DDI2: variants seen among roughly 807,000 people sequenced by gnomAD.
DDI2 encodes the protein protein DDI1 homolog 2.
Under a neutral mutation model 48.1 loss-of-function variants are expected in DDI2, and 5 were observed. The ratio of observed to expected loss-of-function variants is 0.10; its 90% confidence interval spans 0.05 to 0.22. The LOEUF (loss-of-function observed/expected upper bound fraction) is 0.22. Ranked by LOEUF, DDI2 falls within the 10% of genes least tolerant of loss-of-function variation. The pLI is 1.00. For synonymous variants in DDI2, 205 were observed against 183.6 expected, an observed-to-expected ratio of 1.12 and a Z score of -0.94; for missense variants, 285 against 506.2, an observed-to-expected ratio of 0.56 and a Z score of 4.19.
intron 4 of DDI2, among the ~76,000 whole-genome samples, chr1:15,636,550 G>A (rs559148989): frequency 6.6e-6 from 1 of 151,594 alleles, no homozygotes; most frequent in South Asian, 2.1e-4. Flanking sequence ...CTAGCTCACT[G>A]CAGCCTCAGC....
At chr1:15,621,218 A>C (rs1639659009) in intron 1 of DDI2, among the ~76,000 whole-genome samples, 1 of 152,164 alleles carries the variant, frequency 6.6e-6, no homozygotes, top group Admixed American at 6.5e-5. Context: ...GCTTCACTTT[A>C]AATTAATGTC....
In DDI2 at chr1:15,649,875, C is replaced by A; in HGVS notation, c.993+52C>A. On this transcript the variant is annotated intron_variant, in intron 7 of 9. Coordinates refer to ENST00000480945, the MANE Select transcript of DDI2 (RefSeq NM_032341.5). ...TTGCATCTGCTTTTTGTAATATGGTCATTATCACATTATTTTTATTGGTTA... is the reference window on the plus strand; with the variant it reads ...TTGCATCTGCTTTTTGTAATATGGTAATTATCACATTATTTTTATTGGTTA... The A allele has an allele frequency of 4.0e-6, 6 of 1,509,604 alleles. No individual in the cohort carries two copies. The South Asian group carries it at 6.1e-5, about 15-fold the overall frequency. The allele number at this position is 1,509,604 out of a possible 1,614,324, so 93.5% of individuals were successfully genotyped here.
chr1:15,659,787 A>G lies in DDI2; in HGVS notation c.*47-50A>G, dbSNP rs577315479. On this transcript the variant is annotated intron_variant, in intron 9 of 9. Coordinates refer to ENST00000480945, the MANE Select transcript of DDI2 (RefSeq NM_032341.5). ...TTGTATCCTCTGGTAATTTAGTGGC[A>G]TTAGTCACCTGCTAATTAATCTTTT... The G allele has an allele frequency of 5.2e-5, 77 of 1,474,444 alleles. No homozygotes were observed. In the African/African-American group the frequency reaches 7.1e-4, roughly 14 times the overall value. The allele number at this position is 1,474,444 out of a possible 1,614,324, so 91.3% of individuals were successfully genotyped here. A position where few individuals can be genotyped will look rare whatever the true frequency, so the allele number is the denominator to read the frequency against.
At chr1:15,658,927 A>G (rs1640316118) in intron 9 of DDI2, among the ~76,000 whole-genome samples, 1 of 152,194 alleles carries the variant, frequency 6.6e-6, no homozygotes, top group African/African-American at 2.4e-5. Flanking sequence ...GCCAGTTGAA[A>G]AACTATTAAT....
chr1:15,630,546 C>T lies in DDI2; in HGVS notation c.490C>T (p.Leu164Phe), dbSNP rs1198808826. 1 of 1,612,634 alleles carries T rather than the reference C, an allele frequency of 6.2e-7. No homozygotes were observed. Among genetic ancestry groups the T allele is most frequent in the Admixed American group, 1.7e-5 (1 of 60,028 alleles). The change falls in exon 3 of 10, where the codon CTC (leucine) becomes TTC (phenylalanine). Residue 164 changes from leucine to phenylalanine, a missense_variant. Leu to Phe is a conservative substitution (Grantham distance 22). Transcript: ENST00000480945. ...ERNPPLAEAL[L>F]SGDLEKFSRV... ...CAATCCACCCCTGGCAGAAGCTCTGCTCAGTGGAGACCTTGGTAAGCTTAT... is the reference window on the plus strand; with the variant it reads ...CAATCCACCCCTGGCAGAAGCTCTGTTCAGTGGAGACCTTGGTAAGCTTAT...
intron 4 of DDI2, chr1:15,634,172 C>T (rs1427429005): frequency 5.9e-6 from 1 of 169,130 alleles, no homozygotes; most frequent in Non-Finnish European, 1.3e-5. Context: ...AATGCAGATG[C>T]TTGGACTCTT....
chr1:15,635,740 C>T (rs1570974894), intron 4 of DDI2, among the ~76,000 whole-genome samples: 1 of 152,278 alleles, frequency 6.6e-6, no homozygotes, highest in Non-Finnish European at 1.5e-5. Flanking sequence ...CCTTGTACCT[C>T]TGAAGAGACT....
At chr1:15,658,579 G>A (rs989862551) in intron 9 of DDI2, among the ~76,000 whole-genome samples, 20 of 151,422 alleles carry the variant, frequency 1.3e-4, no homozygotes, top group African/African-American at 4.6e-4. Context: ...CCTGACCAAC[G>A]TGGAGAAACC....
rs185804055 is a variant in DDI2 at position 15,643,730 on chromosome 1, G to T, written c.889+80G>T. The T allele has an allele frequency of 5.8e-5, 89 of 1,533,360 alleles. No homozygotes were observed. The East Asian group carries it at 1.9e-3, about 32-fold the overall frequency. 95.0% of individuals were successfully genotyped at this position (1,533,360 alleles called of 1,614,324 possible). Reference sequence around the variant, plus strand: ...GTAGTCGATTTTCAAGTTTTTAGAGGGTCTTTTGTTGTTATTTTGTTGTTG... The same window carrying T: ...GTAGTCGATTTTCAAGTTTTTAGAGTGTCTTTTGTTGTTATTTTGTTGTTG... On this transcript the variant is annotated intron_variant, in intron 6 of 9. Transcript: ENST00000480945.
intron 5 of DDI2, among the ~76,000 whole-genome samples, chr1:15,640,269 A>G (rs551152889): frequency 2.6e-5 from 4 of 152,254 alleles, no homozygotes; most frequent in South Asian, 4.1e-4. Context: ...CTAGGTGCTT[A>G]ATATAATCAT....
chr1:15,630,920 T>C (rs1022825424), intron 3 of DDI2, among the ~76,000 whole-genome samples: 2 of 152,238 alleles, frequency 1.3e-5, no homozygotes, highest in African/African-American at 4.8e-5. Context: ...CTTGGCTCAC[T>C]GCCAGCTCCG....
At chr1:15,658,086 G>A (rs1340813300) in intron 9 of DDI2, among the ~76,000 whole-genome samples, 1 of 152,126 alleles carries the variant, frequency 6.6e-6, no homozygotes, top group Non-Finnish European at 1.5e-5. Context: ...AGTTGCATCT[G>A]TCCTAATAAT....
chr1:15,646,833 A>C (rs1389073676), intron 6 of DDI2, among the ~76,000 whole-genome samples: 1 of 152,212 alleles, frequency 6.6e-6, no homozygotes, highest in Non-Finnish European at 1.5e-5. Context: ...TATCCATTTA[A>C]TAGATGCTTA....
chr1:15,643,597 C>T lies in DDI2; in HGVS notation c.836C>T (p.Ala279Val), dbSNP rs1165850708. Reference sequence around the variant, plus strand: ...ATGAGACTGGTGGACCGTCGGTGGGCAGGGATTGCCAAAGGAGTGGGCACC... The same window carrying T: ...ATGAGACTGGTGGACCGTCGGTGGGTAGGGATTGCCAAAGGAGTGGGCACC... ...NIMRLVDRRW[A>V]GIAKGVGTQK... is the part of the protein sequence containing the mutation. The change falls in exon 6 of 10, where the codon GCA becomes GTA. Residue 279 changes from alanine to valine, a missense_variant. Physicochemically the swap from Ala to Val is moderately conservative, Grantham distance 64 (BLOSUM62 0). Around this residue, in one of 3 missense-constraint regions of DDI2, gnomAD observed 70 missense variants for 182.3 expected, o/e 0.38. Coordinates refer to ENST00000480945, the MANE Select transcript of DDI2 (RefSeq NM_032341.5). 6.2e-7 allele frequency: 1 copy of T among 1,613,978 alleles called. No homozygotes were observed. The highest frequency in any genetic ancestry group is 2.2e-5 in the East Asian group (1 of 44,896).
intron 8 of DDI2, among the ~76,000 whole-genome samples, 163 bp downstream of exon 8, chr1:15,652,058 CTTTTTTTTTT>C (rs772990709): frequency 1.0e-3 from 77 of 75,980 alleles, no homozygotes; most frequent in African/African-American, 4.0e-3. Flanking sequence ...TTTGATCTTC[CTTTTTTTTTT>C]TTTTTTTTTT....
intron 9 of DDI2, 116 bp from the exon 10 acceptor site, chr1:15,659,721 C>A: frequency 9.4e-7 from 1 of 1,061,206 alleles, no homozygotes; most frequent in Non-Finnish European, 1.3e-6. Context: ...GTAAGAGAAA[C>A]CCGAGTTTGA....
rs1330255534 is a variant in DDI2 at position 15,662,333 on chromosome 1, T to A, written c.*2543T>A. The A allele has an allele frequency of 6.6e-6, 1 of 152,270 alleles. No individual in the cohort carries two copies. The highest frequency in any genetic ancestry group is 1.5e-5 in the Non-Finnish European group (1 of 68,076). 9.4% of individuals were successfully genotyped at this position (152,270 alleles called of 1,614,324 possible). On this transcript the variant is annotated 3_prime_UTR_variant, in exon 10 of 10. Transcript: ENST00000480945. ...TTATTTGTGTGCTTAGGATTTGACATTTTAATAGGGCGAGCAGGAGGGTTT... is the reference window on the plus strand; with the variant it reads ...TTATTTGTGTGCTTAGGATTTGACAATTTAATAGGGCGAGCAGGAGGGTTT...
chr1:15,629,706 A>G lies in DDI2; in HGVS notation c.269-619A>G, dbSNP rs1004232984. Among the ~76,000 whole-genome samples, 3 of 150,860 alleles carry G rather than the reference A, an allele frequency of 2.0e-5. No homozygotes were observed. The East Asian group carries it at 5.8e-4, about 29-fold the overall frequency. On this transcript the variant is annotated intron_variant, in intron 2 of 9. Transcript: ENST00000480945. ...ACAACATCCAGACTTATGCAATTAT[A>G]TTTATTGAAACTAGCTTTAATTTTT...
At chr1:15,635,007 T>G (rs1170138032) in intron 4 of DDI2, among the ~76,000 whole-genome samples, 1 of 152,100 alleles carries the variant, frequency 6.6e-6, no homozygotes, top group Non-Finnish European at 1.5e-5. Flanking sequence ...CCCAACACTT[T>G]GCTTGAAGCC....
Sources: gnomAD v4.1 joint callset for allele counts (sites outside exome capture counted in the v4.1 genomes callset) on GRCh38, gnomAD v4.1.1 for gene constraint, gnomAD v4.1.1 regional missense constraint, MANE v1.5 for transcripts, NCBI Gene and HGNC (gene_info 2026-07-23, HGNC 2026-07-21) for gene names.